MAGI2: variants seen among roughly 807,000 people sequenced by gnomAD.
MAGI2 encodes membrane associated guanylate kinase, WW and PDZ domain containing 2.
A neutral mutation model predicts 133.3 loss-of-function variants in MAGI2; 35 were observed. That is an observed-to-expected ratio of 0.26 (90% CI 0.20 to 0.35). MAGI2 has a LOEUF of 0.35. Ranked by LOEUF, MAGI2 falls within the 10% of genes least tolerant of loss-of-function variation. MAGI2 has a pLI of 1.00. For synonymous variants in MAGI2, 729 were observed against 710.6 expected (o/e 1.03, Z -0.41); for missense variants, 1,636 against 1,863.4 (o/e 0.88, Z 2.25).
At chr7:78,767,653 T>C (rs2151312710) in intron 2 of MAGI2, among the ~76,000 whole-genome samples, 1 of 152,336 alleles carries the variant, frequency 6.6e-6, no homozygotes, top group East Asian at 1.9e-4. Context: ...ACTTAAGATA[T>C]TCTCAGAAAG....
chr7:79,102,785 T>C (rs1584934240), intron 1 of MAGI2, among the ~76,000 whole-genome samples: 1 of 152,216 alleles, frequency 6.6e-6, no homozygotes, highest in Admixed American at 6.5e-5. Context: ...GATCTTTTGA[T>C]GTGTCGGCTT....
intron 6 of MAGI2, among the ~76,000 whole-genome samples, chr7:78,397,639 T>A (rs1358426626): frequency 6.6e-6 from 1 of 152,138 alleles, no homozygotes; most frequent in Non-Finnish European, 1.5e-5. Context: ...CACAGAAACC[T>A]GAGTTAGGGC....
chr7:78,127,057 C>T, intron 19 of MAGI2, 140 bp downstream of exon 19: 4 of 593,464 alleles, frequency 6.7e-6, no homozygotes, highest in Admixed American at 3.5e-5. Context: ...CAGGTGTTAC[C>T]CCGATGTTAC....
intron 21 of MAGI2, 76 bp downstream of exon 21, chr7:78,078,871 A>C: frequency 6.5e-7 from 1 of 1,550,054 alleles, no homozygotes; most frequent in Non-Finnish European, 8.9e-7. Flanking sequence ...GAACTGATGT[A>C]GTTTTATAAA....
chr7:79,169,307 A>C (rs537704849), intron 1 of MAGI2, among the ~76,000 whole-genome samples: 1 of 152,216 alleles, frequency 6.6e-6, no homozygotes, highest in African/African-American at 2.4e-5. Context: ...ATTAGAAAAA[A>C]ATCATTTCTC....
intron 3 of MAGI2, among the ~76,000 whole-genome samples, chr7:78,594,771 A>T (rs899348882): frequency 6.6e-6 from 1 of 152,096 alleles, no homozygotes; most frequent in African/African-American, 2.4e-5. Flanking sequence ...AGGAATTCTT[A>T]AAAGGACCTG....
At chr7:79,452,384 G>T (rs182500808) in intron 1 of MAGI2, among the ~76,000 whole-genome samples, 1 of 152,192 alleles carries the variant, frequency 6.6e-6, no homozygotes, top group Admixed American at 6.5e-5. Context: ...TGACACGACC[G>T]TGAGCGGGGG....
intron 10 of MAGI2, among the ~76,000 whole-genome samples, chr7:78,242,916 A>T (rs547368763): frequency 6.6e-6 from 1 of 152,136 alleles, no homozygotes; most frequent in East Asian, 1.9e-4. Flanking sequence ...TACAAAAAAT[A>T]CAAAAATTAG....
At chr7:78,136,726 C>G (rs1019275183) in intron 16 of MAGI2, among the ~76,000 whole-genome samples, 4 of 152,222 alleles carry the variant, frequency 2.6e-5, no homozygotes, top group African/African-American at 7.2e-5. Context: ...TATGCAAAAA[C>G]ACAACCCACC....
intron 1 of MAGI2, among the ~76,000 whole-genome samples, chr7:79,150,676 G>C (rs946681044): frequency 7.5e-6 from 1 of 133,032 alleles, no homozygotes; most frequent in Non-Finnish European, 1.7e-5. Context: ...ATGTTTACAT[G>C]ATATTTCATA....
chr7:78,087,538 G>C (rs1471989263), intron 20 of MAGI2, among the ~76,000 whole-genome samples: 2 of 152,186 alleles, frequency 1.3e-5, no homozygotes, highest in Non-Finnish European at 1.5e-5. Flanking sequence ...ATGAACCTGG[G>C]AGAGAAGCGG....
intron 9 of MAGI2, among the ~76,000 whole-genome samples, chr7:78,311,219 T>A (rs1276458542): frequency 1.3e-5 from 2 of 151,652 alleles, no homozygotes; most frequent in Non-Finnish European, 2.9e-5. Flanking sequence ...GAAGATGGAG[T>A]GAGAAGCAAT....
intron 1 of MAGI2, among the ~76,000 whole-genome samples, chr7:79,358,651 G>C (rs911971689): frequency 2.6e-5 from 4 of 152,142 alleles, no homozygotes; most frequent in Non-Finnish European, 5.9e-5. Context: ...TAGTAGTTGA[G>C]AGTTAGGGGG....
At chr7:78,078,653 C>T in intron 21 of MAGI2, 1 of 527,602 alleles carries the variant, frequency 1.9e-6, no homozygotes, top group East Asian at 3.3e-5. Flanking sequence ...TTAAGTGGTG[C>T]TAGATCTCCT....
At chr7:78,486,940 T>G (rs1289956693) in intron 6 of MAGI2, 3 of 524,724 alleles carry the variant, frequency 5.7e-6, no homozygotes, top group Non-Finnish European at 1.2e-5. Flanking sequence ...GCTCATTTCA[T>G]GGCTCTGGGG....
chr7:79,086,493 C>A (rs1816504653), intron 1 of MAGI2, among the ~76,000 whole-genome samples: 1 of 151,864 alleles, frequency 6.6e-6, no homozygotes, highest in African/African-American at 2.4e-5. Context: ...GGAATTCAGC[C>A]ATGTTTCCTG....
At chr7:78,402,120 C>T (rs1796928110) in intron 6 of MAGI2, among the ~76,000 whole-genome samples, 1 of 152,204 alleles carries the variant, frequency 6.6e-6, no homozygotes, top group Admixed American at 6.5e-5. Flanking sequence ...ACATACCTGT[C>T]TCCCATTACT....
intron 1 of MAGI2, among the ~76,000 whole-genome samples, chr7:79,298,650 G>A (rs1009411574): frequency 6.6e-6 from 1 of 151,994 alleles, no homozygotes; most frequent in Non-Finnish European, 1.5e-5. Context: ...TCTACTTGGG[G>A]CTAAATTGTG....
chr7:78,912,546 G>A (rs113654106), intron 2 of MAGI2, among the ~76,000 whole-genome samples: 457 of 151,906 alleles, frequency 3.0e-3, no homozygotes, highest in African/African-American at 0.01. Flanking sequence ...AGAGAGATTG[G>A]CTTAGCCTTC....
Sources: allele counts gnomAD v4.1 joint callset (sites outside exome capture counted in the v4.1 genomes callset), GRCh38; gene constraint gnomAD v4.1.1; transcripts MANE v1.5; gene names NCBI Gene and HGNC (gene_info 2026-07-23, HGNC 2026-07-21).